ETHE1: variants seen among roughly 807,000 people sequenced by gnomAD.
ETHE1 encodes ETHE1 persulfide dioxygenase, also known as persulfide dioxygenase ETHE1, mitochondrial.
A neutral mutation model predicts 25.7 loss-of-function variants in ETHE1; 16 were observed. That is an observed-to-expected ratio of 0.62 (90% CI 0.42 to 0.95). ETHE1 has a LOEUF of 0.95. ETHE1 is among the 40% of genes least tolerant of loss of function. The pLI is 0.00. For synonymous variants in ETHE1, 139 were observed against 135.9 expected (o/e 1.02, Z -0.16); for missense variants, 300 against 333.6 (o/e 0.90, Z 0.79).
At chr19:43,516,940 A>G (rs1972032622) in intron 3 of ETHE1, among the ~76,000 whole-genome samples, 1 of 151,794 alleles carries the variant, frequency 6.6e-6, no homozygotes, top group South Asian at 2.1e-4. Context: ...CAATTTATTG[A>G]CTTTACAATA....
intron 3 of ETHE1, 109 bp downstream of exon 3, chr19:43,526,092 G>A (rs937232430): frequency 1.0e-5 from 16 of 1,552,554 alleles, no homozygotes; most frequent in Non-Finnish European, 1.4e-5. Context: ...CCCAGGTCCT[G>A]AGGTCCCTCC....
At position 43,506,747 on chromosome 19, in the gene ETHE1, G is replaced by T; in HGVS notation, c.*103C>A. On this transcript the variant is annotated 3_prime_UTR_variant, in exon 7 of 7. Transcript: ENST00000292147. Reference sequence around the variant, plus strand: ...CGTTAAAAAAAGTTTTATTTAGGGAGCTCCAGGGAATGCGGTGGGAAAGGA... The same window carrying T: ...CGTTAAAAAAAGTTTTATTTAGGGATCTCCAGGGAATGCGGTGGGAAAGGA... 8.9e-7 allele frequency: 1 copy of T among 1,125,886 alleles called. No homozygotes were observed. Among genetic ancestry groups the T allele is most frequent in the Non-Finnish European group, 1.3e-6 (1 of 740,966 alleles). 69.7% of individuals were successfully genotyped at this position (1,125,886 alleles called of 1,614,324 possible). A position where few individuals can be genotyped will look rare whatever the true frequency, so the allele number is the denominator to read the frequency against.
At chr19:43,518,995 G>GGTTTTTTTTT in intron 3 of ETHE1, among the ~76,000 whole-genome samples, 1 of 106,968 alleles carries the variant, frequency 9.3e-6, no homozygotes, top group Non-Finnish European at 1.9e-5. Context: ...TGAAATTTGT[G>GGTTTTTTTTT]CTTGTTTTTT....
chr19:43,509,080 T>C (rs567037859), intron 4 of ETHE1, among the ~76,000 whole-genome samples: 4 of 152,310 alleles, frequency 2.6e-5, no homozygotes, highest in East Asian at 1.9e-4. Context: ...AAATTCAGCA[T>C]GGCTGTAAAT....
chr19:43,524,258 G>A (rs1054009610), intron 3 of ETHE1, among the ~76,000 whole-genome samples: 16 of 152,018 alleles, frequency 1.1e-4, no homozygotes, highest in Non-Finnish European at 2.4e-4. Context: ...GGTGGCGCAC[G>A]CCTGTAATCC....
chr19:43,510,104 C>T (rs965122011), intron 4 of ETHE1, among the ~76,000 whole-genome samples: 10 of 152,178 alleles, frequency 6.6e-5, no homozygotes, highest in African/African-American at 2.4e-4. Flanking sequence ...TCTGTCTTTC[C>T]CTCTCATCCA....
At chr19:43,508,103 C>T (rs1599982970) in intron 5 of ETHE1, 43 bp from the exon 6 acceptor site, 1 of 1,609,582 alleles carries the variant, frequency 6.2e-7, no homozygotes, top group East Asian at 2.2e-5. Context: ...GAGTCTAGTG[C>T]CTCAGGCCTC....
intron 3 of ETHE1, among the ~76,000 whole-genome samples, chr19:43,516,615 CT>C (rs949809505): frequency 5.2e-5 from 5 of 96,430 alleles, no homozygotes; most frequent in East Asian, 3.2e-4. Context: ...TTTTTTCTTT[CT>C]TTTTTTCTTT....
intron 6 of ETHE1, 49 bp downstream of exon 6, chr19:43,507,895 C>G (rs972873758): frequency 8.2e-6 from 13 of 1,593,832 alleles, no homozygotes; most frequent in Non-Finnish European, 1.1e-5. Context: ...GTCCAAGACC[C>G]CAGCCCCTCC....
intron 5 of ETHE1, 140 bp from the exon 6 acceptor site, chr19:43,508,200 A>G: frequency 7.4e-7 from 1 of 1,347,306 alleles, no homozygotes; most frequent in Non-Finnish European, 1.0e-6. Flanking sequence ...TCCCTCCTCC[A>G]TGGACACTAT....
At chr19:43,526,050 C>T (rs1972236933) in intron 3 of ETHE1, 151 bp downstream of exon 3, 1 of 1,191,082 alleles carries the variant, frequency 8.4e-7, no homozygotes, top group Non-Finnish European at 1.2e-6. Flanking sequence ...ATGGTGCCCC[C>T]CTCCCAGAAA....
chr19:43,526,679 G>C lies in ETHE1; in HGVS notation c.82-20C>G. The C allele has an allele frequency of 6.2e-7, 1 of 1,612,720 alleles. No homozygotes were observed. Among genetic ancestry groups the C allele is most frequent in the Non-Finnish European group, 8.5e-7 (1 of 1,180,020 alleles). ...GAACATCTGGGAACGGGGGACCCAG[G>C]TGAGGGCGCAGAACCGGACTTCCAC... On this transcript the variant is annotated intron_variant, in intron 1 of 6. Coordinates refer to ENST00000292147, the MANE Select transcript of ETHE1 (RefSeq NM_014297.5).
In ETHE1 at chr19:43,526,199, AC is replaced by A; in HGVS notation, c.375+1del. 1 of 1,614,044 alleles carries A rather than the reference AC, an allele frequency of 6.2e-7. No individual in the cohort carries two copies. Among genetic ancestry groups the A allele is most frequent in the African/African-American group, 1.3e-5 (1 of 74,998 alleles). Reference sequence around the variant, plus strand: ...CTCTTGGGGACCCAGCACCCAACTCACGAAGCGCCCGAAGCGGATGGAGTCT... The same window carrying A: ...CTCTTGGGGACCCAGCACCCAACTCAGAAGCGCCCGAAGCGGATGGAGTCT... On this transcript the variant is annotated splice_donor_variant, in intron 3 of 6. Transcript: ENST00000292147. LOFTEE classifies it high-confidence loss of function.
At position 43,511,516 on chromosome 19, in the gene ETHE1, G is replaced by T; in HGVS notation, c.426C>A (p.Phe142Leu). 6.2e-7 allele frequency: 1 copy of T among 1,614,172 alleles called. No individual in the cohort carries two copies. Among genetic ancestry groups the T allele is most frequent in the Non-Finnish European group, 8.5e-7 (1 of 1,180,038 alleles). The change falls in exon 4 of 7, where the codon TTC becomes TTA. Residue 142 changes from phenylalanine (F) to leucine (L), a missense_variant. Phe to Leu is a conservative substitution (Grantham distance 22, BLOSUM62 0). Coordinates refer to ENST00000292147, the MANE Select transcript of ETHE1 (RefSeq NM_014297.5). The stretch of plus-strand genomic sequence containing the variant: ...AGGCCATGCTGTGGTCATTCAGGAC[G>T]AAGGTGACACAGCCTGGGGTGTGGC... Reference protein sequence around the residue: ...SPGHTPGCVTFVLNDHSMAFT... With the variant: ...SPGHTPGCVTLVLNDHSMAFT...
At chr19:43,516,990 CT>C (rs890454121) in intron 3 of ETHE1, among the ~76,000 whole-genome samples, 2 of 150,214 alleles carry the variant, frequency 1.3e-5, no homozygotes, top group African/African-American at 2.4e-5. Flanking sequence ...TTTCATTTGT[CT>C]TTTTTTTTCT....
intron 3 of ETHE1, among the ~76,000 whole-genome samples, chr19:43,517,496 C>A (rs115405578): frequency 1.4e-5 from 2 of 146,794 alleles, no homozygotes; most frequent in Non-Finnish European, 3.0e-5. Flanking sequence ...AAAAATTAGC[C>A]GAAGCCAGGC....
At chr19:43,513,753 ACT>A (rs1442784959) in intron 3 of ETHE1, among the ~76,000 whole-genome samples, 1 of 146,346 alleles carries the variant, frequency 6.8e-6, no homozygotes, top group Non-Finnish European at 1.5e-5. Flanking sequence ...ACAGAATCTC[ACT>A]CTGTCACCCA....
chr19:43,507,049 C>T lies in ETHE1; in HGVS notation c.713-147G>A, dbSNP rs1971785443. 21 of 777,188 alleles carry T rather than the reference C, an allele frequency of 2.7e-5. No individual in the cohort carries two copies. The South Asian group carries it at 2.9e-4, about 11-fold the overall frequency. 48.1% of individuals were successfully genotyped at this position (777,188 alleles called of 1,614,324 possible). On this transcript the variant is annotated intron_variant, in intron 6 of 6. Transcript: ENST00000292147. ...ACTCCTTCCCTCAGACCCAGGAGTCCAGTACCCCAGCCCCTCCTCCCTCAG... is the reference window on the plus strand; with the variant it reads ...ACTCCTTCCCTCAGACCCAGGAGTCTAGTACCCCAGCCCCTCCTCCCTCAG...
At position 43,507,956 on chromosome 19, in the gene ETHE1, G is replaced by A. The variant is rs1042019932; in HGVS notation, c.700C>T (p.Pro234Ser). 1 of 1,614,016 alleles carries A rather than the reference G, an allele frequency of 6.2e-7. No individual in the cohort carries two copies. The highest frequency in any genetic ancestry group is 8.5e-7 in the Non-Finnish European group (1 of 1,180,010). The change falls in exon 6 of 7, where the codon CCT becomes TCT. Residue 234 changes from proline to serine, a missense_variant. Transcript: ENST00000292147. ...CCCAGCTGCTCACCTATCTGCTGAG[G>A]TTTAGGCAAGTTCAGGTTGCCCATG... ...KIMGNLNLPK[P>S]QQIDFAVPAN...
Sources: allele counts gnomAD v4.1 joint callset (sites outside exome capture counted in the v4.1 genomes callset), GRCh38; gene constraint gnomAD v4.1.1; transcripts MANE v1.5; gene names NCBI Gene and HGNC (gene_info 2026-07-23, HGNC 2026-07-21).